Variants in DIAPH1 observed in about 807,000 individuals in gnomAD.
The protein encoded by DIAPH1 is protein diaphanous homolog 1.
In DIAPH1, 46 loss-of-function variants were observed where a neutral mutation model predicts 140.7. The ratio of observed to expected loss-of-function variants is 0.33; its 90% CI spans 0.26 to 0.42. The LOEUF is 0.42. DIAPH1 is among the 10% of genes least tolerant of loss of function. The pLI, the probability that DIAPH1 is intolerant of heterozygous loss-of-function variation, is 1.00. For synonymous variants in DIAPH1, 565 were observed against 551.6 expected (o/e 1.02, Z -0.34); for missense variants, 1,310 against 1,558.7 (o/e 0.84, Z 2.69).
intron 1 of DIAPH1, among the ~76,000 whole-genome samples, chr5:141,606,051 C>T (rs2099900890): frequency 1.3e-5 from 2 of 152,134 alleles, no homozygotes. Flanking sequence ...TCCCTCTAGG[C>T]CCCATGCAAA....
intron 27 of DIAPH1, among the ~76,000 whole-genome samples, chr5:141,520,580 C>G (rs750621020): frequency 6.6e-6 from 1 of 152,204 alleles, no homozygotes; most frequent in Non-Finnish European, 1.5e-5. Flanking sequence ...TGGCGCCATG[C>G]TTTCTCTACA....
intron 27 of DIAPH1, among the ~76,000 whole-genome samples, chr5:141,520,942 C>A (rs555075524): frequency 2.3e-4 from 35 of 152,164 alleles, no homozygotes; most frequent in African/African-American, 8.2e-4. Flanking sequence ...ATTCTGTCAC[C>A]CAGGCTGAAG....
At chr5:141,605,006 C>A (rs537369143) in intron 1 of DIAPH1, among the ~76,000 whole-genome samples, 2 of 152,212 alleles carry the variant, frequency 1.3e-5, no homozygotes, top group South Asian at 4.1e-4. Context: ...TGTTCTAACA[C>A]AAACACACAC....
chr5:141,571,530 G>T, intron 17 of DIAPH1, 94 bp from the exon 18 acceptor site: 2 of 1,119,976 alleles, frequency 1.8e-6, no homozygotes, highest in South Asian at 1.3e-5. Flanking sequence ...TGTTACTGTA[G>T]ACAGTCACTC....
chr5:141,525,663 G>A (rs116341281), intron 26 of DIAPH1, among the ~76,000 whole-genome samples: 246 of 152,276 alleles, frequency 1.6e-3, no homozygotes, highest in African/African-American at 5.7e-3. Context: ...TAAAAGATGG[G>A]AGGAGCGTCA....
At chr5:141,605,154 T>C (rs561979946) in intron 1 of DIAPH1, among the ~76,000 whole-genome samples, 2 of 152,338 alleles carry the variant, frequency 1.3e-5, no homozygotes, top group South Asian at 2.1e-4. Flanking sequence ...TATATACATT[T>C]GTATTTTCTT....
At chr5:141,577,859 C>G in intron 11 of DIAPH1, 1 of 498,590 alleles carries the variant, frequency 2.0e-6, no homozygotes, top group South Asian at 2.1e-5. Context: ...TAAGAGGTAA[C>G]TGCCTCAAAG....
chr5:141,518,923 C>T (rs188668326), intron 27 of DIAPH1: 114 of 1,550,070 alleles, frequency 7.4e-5, no homozygotes, highest in African/African-American at 2.2e-4. Context: ...GCAGGGAACA[C>T]GCAGCATGCA....
At chr5:141,608,224 A>G (rs919892468) in intron 1 of DIAPH1, among the ~76,000 whole-genome samples, 1 of 152,224 alleles carries the variant, frequency 6.6e-6, no homozygotes, top group Non-Finnish European at 1.5e-5. Context: ...GGACTGCTTG[A>G]GCCCAGGAGT....
chr5:141,588,473 G>GAAAA (rs368869644), intron 1 of DIAPH1, among the ~76,000 whole-genome samples: 1 of 86,640 alleles, frequency 1.2e-5, no homozygotes. Flanking sequence ...TCTTAAAAAG[G>GAAAA]AAAAAAAAAA....
chr5:141,607,341 G>A (rs193099565), intron 1 of DIAPH1, among the ~76,000 whole-genome samples: 1 of 152,118 alleles, frequency 6.6e-6, no homozygotes, highest in Non-Finnish European at 1.5e-5. Flanking sequence ...GAAGAGTCAC[G>A]CCTTTTAAAA....
At chr5:141,529,091 G>A in intron 21 of DIAPH1, 81 bp downstream of exon 21, 4 of 1,543,718 alleles carry the variant, frequency 2.6e-6, no homozygotes, top group South Asian at 1.1e-5. Flanking sequence ...AAGCGGCAAG[G>A]AGCATATGCC....
In DIAPH1 at chr5:141,563,307, A is replaced by G. The variant is rs1047670981; in HGVS notation, c.2482+8121T>C. 3 of 152,304 alleles carry G rather than the reference A, an allele frequency of 2.0e-5. No individual in the cohort carries two copies. The South Asian group carries it at 6.2e-4, about 32-fold the overall frequency. 9.4% of individuals were successfully genotyped at this position (152,304 alleles called of 1,614,324 possible). A position where few individuals can be genotyped will look rare whatever the true frequency, so the allele number is the denominator to read the frequency against. On this transcript the variant is annotated intron_variant, in intron 18 of 27. Transcript: ENST00000389054. ...AAAATTGACTGCCAAGTCAACAGAA[A>G]ATGTTGAATTGTTTCCTAATCAATC...
rs369527502 is a variant in DIAPH1 at position 141,575,037 on chromosome 5, T to C, written c.1571A>G (p.His524Arg). The change falls in exon 15 of 28, where the codon CAT becomes CGT. Residue 524 changes from histidine (H) to arginine (R), a missense_variant. By Grantham distance (29) the His-to-Arg change is conservative. This residue lies in a region of DIAPH1 where 589 missense variants were observed against 549.3 expected (regional missense o/e 1.07). Transcript: ENST00000389054. ...TGTGGCAATTTGCTGCTTTTCAGAA[T>C]GCAGTGCATCTTTTTCTCCCTGAAG... ...QDLQGEKDALHSEKQQIATEK... is the reference protein window; with the variant it reads ...QDLQGEKDALRSEKQQIATEK... 6.2e-7 allele frequency: 1 copy of C among 1,614,226 alleles called. No homozygotes were observed. Among genetic ancestry groups the C allele is most frequent in the African/African-American group, 1.3e-5 (1 of 75,064 alleles).
At chr5:141,600,532 G>GA (rs1339742571) in intron 1 of DIAPH1, among the ~76,000 whole-genome samples, 1 of 152,174 alleles carries the variant, frequency 6.6e-6, no homozygotes, top group Admixed American at 6.5e-5. Flanking sequence ...TTCGCTAAAG[G>GA]AAAAGGCTCA....
intron 3 of DIAPH1, among the ~76,000 whole-genome samples, chr5:141,586,684 T>C (rs892744945): frequency 2.0e-5 from 3 of 152,214 alleles, no homozygotes; most frequent in African/African-American, 2.4e-5. Flanking sequence ...ACAGAGTTTG[T>C]TGTGAATACC....
chr5:141,531,253 C>T (rs1329353483), intron 19 of DIAPH1, among the ~76,000 whole-genome samples: 1 of 152,074 alleles, frequency 6.6e-6, no homozygotes, highest in African/African-American at 2.4e-5. Flanking sequence ...CTCAAAGCAC[C>T]TTCTCCTTTA....
rs1478296649 is a variant in DIAPH1, at chr5:141,587,014, A to G, written c.300+28T>C. The stretch of plus-strand genomic sequence containing the variant: ...CCATGTCCATAAATGCACAGGAAGA[A>G]GCAACATTTTGGGAATGGGAAACTT... On this transcript the variant is annotated intron_variant, in intron 3 of 27. Transcript: ENST00000389054. The G allele has an allele frequency of 1.9e-6, 3 of 1,613,608 alleles. No homozygotes were observed. The African/African-American group carries it at 4.0e-5, about 22-fold the overall frequency.
chr5:141,575,432 T>A (rs1292847493), intron 14 of DIAPH1, among the ~76,000 whole-genome samples: 1 of 152,186 alleles, frequency 6.6e-6, no homozygotes, highest in African/African-American at 2.4e-5. Context: ...GTGGATCACC[T>A]GAGGTCAGAA....
Sources: gnomAD v4.1 joint callset for allele counts (sites outside exome capture counted in the v4.1 genomes callset) on GRCh38, gnomAD v4.1.1 for gene constraint, gnomAD v4.1.1 regional missense constraint, MANE v1.5 for transcripts, NCBI Gene and HGNC (gene_info 2026-07-23, HGNC 2026-07-21) for gene names.